PHF21B: variants seen among roughly 807,000 people sequenced by gnomAD.
PHF21B encodes PHD finger protein 4.
Under a neutral mutation model 62.2 loss-of-function variants are expected in PHF21B, and 22 were observed. That is an observed-to-expected ratio of 0.35 (90% CI 0.25 to 0.51). The LOEUF (loss-of-function observed/expected upper bound fraction) is 0.51, where lower values mean the gene tolerates loss of function less well. Among genes scored for constraint, PHF21B ranks in the 20% least tolerant of loss-of-function variants. The pLI is 0.97. For synonymous variants in PHF21B, 341 were observed against 314.7 expected (o/e 1.08, Z -0.88); for missense variants, 701 against 707.9 (o/e 0.99, Z 0.11).
At chr22:45,008,066 A>C (rs984827509) in intron 2 of PHF21B, 3 of 152,294 alleles carry the variant, frequency 2.0e-5, no homozygotes, top group Non-Finnish European at 4.4e-5. Flanking sequence ...CAAGAATAAA[A>C]AGTGAAGCTA....
chr22:44,893,427 C>T, intron 7 of PHF21B, 30 bp downstream of exon 7: 3 of 1,572,818 alleles, frequency 1.9e-6, no homozygotes, highest in Non-Finnish European at 2.6e-6. Flanking sequence ...CCCCACCCTC[C>T]TGGTGGCATG....
chr22:44,951,022 C>T (rs2072182800), intron 2 of PHF21B, among the ~76,000 whole-genome samples: 1 of 152,190 alleles, frequency 6.6e-6, no homozygotes, highest in African/African-American at 2.4e-5. Context: ...GACGTAAAGC[C>T]TGCCGCCAGA....
chr22:45,000,426 T>C (rs1469842339), intron 2 of PHF21B: 1 of 152,068 alleles, frequency 6.6e-6, no homozygotes, highest in African/African-American at 2.4e-5. Context: ...TGTTCGCTGC[T>C]CACACAAGTG....
At chr22:44,960,256 CAG>C (rs2072390735) in intron 2 of PHF21B, among the ~76,000 whole-genome samples, 1 of 152,250 alleles carries the variant, frequency 6.6e-6, no homozygotes, top group African/African-American at 2.4e-5. Context: ...CTTGGCTCTG[CAG>C]AGACGCCCCC....
intron 2 of PHF21B, among the ~76,000 whole-genome samples, chr22:44,948,027 T>TTGTCCCTCCTCCC (rs2072113242): frequency 6.6e-6 from 1 of 152,050 alleles, no homozygotes; most frequent in African/African-American, 2.4e-5. Context: ...CCCACTGCTG[T>TTGTCCCTCCTCCC]CCCGTTCGGA....
chr22:44,909,195 C>T (rs1247575199), intron 5 of PHF21B, among the ~76,000 whole-genome samples: 2 of 152,232 alleles, frequency 1.3e-5, no homozygotes, highest in Non-Finnish European at 2.9e-5. Context: ...TATGTTTACA[C>T]TAATTATGTA....
At chr22:44,902,056 GGC>G in intron 5 of PHF21B, 1 of 233,032 alleles carries the variant, frequency 4.3e-6, no homozygotes, top group Non-Finnish European at 9.1e-6. Flanking sequence ...GAGGCAAGAG[GGC>G]GGTTCTCCTG....
chr22:44,950,352 T>A (rs560906049), intron 2 of PHF21B, among the ~76,000 whole-genome samples: 1 of 152,240 alleles, frequency 6.6e-6, no homozygotes, highest in Non-Finnish European at 1.5e-5. Context: ...CATCTAGTTA[T>A]GGTGCTAGCC....
intron 2 of PHF21B, among the ~76,000 whole-genome samples, chr22:44,984,523 G>A (rs558362482): frequency 3.2e-4 from 49 of 152,300 alleles, no homozygotes; most frequent in African/African-American, 1.1e-3. Flanking sequence ...AACAGAGCTC[G>A]GGGATTCAGG....
At chr22:44,929,799 C>T (rs539464982) in intron 2 of PHF21B, among the ~76,000 whole-genome samples, 197 of 152,366 alleles carry the variant, frequency 1.3e-3, no homozygotes, top group South Asian at 7.5e-3. Flanking sequence ...GGCCAAGACA[C>T]ACCCACAGAA....
At chr22:44,924,800 C>T (rs993207311) in intron 2 of PHF21B, among the ~76,000 whole-genome samples, 1 of 152,156 alleles carries the variant, frequency 6.6e-6, no homozygotes, top group African/African-American at 2.4e-5. Context: ...CCATTCTATT[C>T]CTAAGCATTC....
intron 2 of PHF21B, among the ~76,000 whole-genome samples, chr22:44,948,701 A>C (rs1475948813): frequency 1.3e-5 from 2 of 151,656 alleles, no homozygotes; most frequent in Non-Finnish European, 2.9e-5. Context: ...GAAAAAAAAA[A>C]AAAAAAGAGA....
At chr22:45,007,223 G>GC (rs1162843211) in intron 2 of PHF21B, among the ~76,000 whole-genome samples, 1 of 42,440 alleles carries the variant, frequency 2.4e-5, no homozygotes, top group Non-Finnish European at 5.1e-5. Context: ...AGCAAGCCCG[G>GC]CCCCCCCCAA....
At position 44,881,852 on chromosome 22, in the gene PHF21B, G is replaced by C. The variant is rs1348588670; in HGVS notation, c.*1234C>G. ...TGACAAGCTGCCACTGCCCACCCTG[G>C]ATGCAGAAGCCCTTGGCAGCAAGTC... On this transcript the variant is annotated 3_prime_UTR_variant, in exon 13 of 13. Coordinates refer to ENST00000313237, the MANE Select transcript of PHF21B (RefSeq NM_138415.5). 1 of 152,634 alleles carries C rather than the reference G, an allele frequency of 6.6e-6. No homozygotes were observed. Among genetic ancestry groups the C allele is most frequent in the Non-Finnish European group, 1.5e-5 (1 of 68,052 alleles). 9.5% of individuals were successfully genotyped at this position (152,634 alleles called of 1,614,324 possible).
At chr22:44,957,203 A>G (rs2072317754) in intron 2 of PHF21B, among the ~76,000 whole-genome samples, 1 of 152,250 alleles carries the variant, frequency 6.6e-6, no homozygotes, top group Non-Finnish European at 1.5e-5. Context: ...AGTCTCTGAA[A>G]GCCAGGCTGA....
chr22:44,961,887 A>G (rs2147420022), intron 2 of PHF21B, among the ~76,000 whole-genome samples: 2 of 145,088 alleles, frequency 1.4e-5, no homozygotes, highest in South Asian at 4.6e-4. Flanking sequence ...TAAATAAATA[A>G]ATAAATAAGT....
At chr22:44,975,771 G>A (rs1280965367) in intron 2 of PHF21B, among the ~76,000 whole-genome samples, 1 of 152,254 alleles carries the variant, frequency 6.6e-6, no homozygotes, top group Non-Finnish European at 1.5e-5. Context: ...GGGGCCAGCG[G>A]GTCCTCCCAC....
At chr22:44,943,522 C>A (rs559342072) in intron 2 of PHF21B, among the ~76,000 whole-genome samples, 1 of 152,186 alleles carries the variant, frequency 6.6e-6, no homozygotes, top group African/African-American at 2.4e-5. Flanking sequence ...TCAGCTACAT[C>A]TCCGTCTCCT....
chr22:44,966,193 G>A (rs989208643), intron 2 of PHF21B, among the ~76,000 whole-genome samples: 6 of 152,156 alleles, frequency 3.9e-5, no homozygotes, highest in Admixed American at 6.5e-5. Flanking sequence ...GACAGGCTCC[G>A]GGGCCCCAAC....
Sources: gnomAD v4.1 joint callset for allele counts (sites outside exome capture counted in the v4.1 genomes callset) on GRCh38, gnomAD v4.1.1 for gene constraint, MANE v1.5 for transcripts, NCBI Gene and HGNC (gene_info 2026-07-23, HGNC 2026-07-21) for gene names.